The following PPARGC1A variants were observed in gnomAD, a reference collection of about 807,000 sequenced individuals.
PPARGC1A encodes the protein PPARG coactivator 1 alpha, also known as peroxisome proliferator-activated receptor gamma coactivator 1-alpha.
A neutral mutation model predicts 88.7 loss-of-function variants in PPARGC1A; 25 were observed. The observed-to-expected ratio is 0.28, with a 90% CI of 0.21 to 0.39. PPARGC1A has a LOEUF of 0.39. PPARGC1A is among the 10% of genes least tolerant of loss of function. The pLI, the probability that PPARGC1A is intolerant of heterozygous loss-of-function variation, is 1.00. For missense variants in PPARGC1A, 880 were observed against 968.7 expected, an observed-to-expected ratio of 0.91 and a Z score of 1.22; for synonymous variants, 363 against 355.6, an observed-to-expected ratio of 1.02 and a Z score of -0.24.
the PPARGC1A span, among the ~76,000 whole-genome samples, chr4:24,440,746 G>A: frequency 6.6e-6 from 1 of 152,058 alleles, no homozygotes; most frequent in Non-Finnish European, 1.5e-5. Context: ...AAGCTGCAGT[G>A]AGCAGAGATT....
At chr4:24,321,715 T>A in the PPARGC1A span, among the ~76,000 whole-genome samples, 2 of 152,358 alleles carry the variant, frequency 1.3e-5, no homozygotes, top group Admixed American at 1.3e-4. Context: ...TTAGTCATAA[T>A]GTGTGATGAT....
At chr4:23,819,963 A>G (rs749052315) in intron 7 of PPARGC1A, among the ~76,000 whole-genome samples, 13 of 152,178 alleles carry the variant, frequency 8.5e-5, no homozygotes, top group Non-Finnish European at 1.8e-4. Flanking sequence ...CACAAGGAGT[A>G]TGTATGCCAA....
the PPARGC1A span, among the ~76,000 whole-genome samples, chr4:23,917,642 T>C: frequency 3.7e-3 from 566 of 152,274 alleles, 2 homozygotes; most frequent in African/African-American, 0.013. Flanking sequence ...TTTCATCTTT[T>C]CCTGATAAAA....
At chr4:24,218,477 G>C in the PPARGC1A span, among the ~76,000 whole-genome samples, 1 of 152,236 alleles carries the variant, frequency 6.6e-6, no homozygotes, top group African/African-American at 2.4e-5. Context: ...GAAAGACGGA[G>C]GTAGCTGTCA....
At chr4:24,097,066 C>T in the PPARGC1A span, among the ~76,000 whole-genome samples, 2 of 152,100 alleles carry the variant, frequency 1.3e-5, no homozygotes, top group African/African-American at 4.8e-5. Context: ...GGCGCTCCAG[C>T]CTGGGCGACA....
At chr4:24,298,872 C>A in the PPARGC1A span, among the ~76,000 whole-genome samples, 1 of 152,162 alleles carries the variant, frequency 6.6e-6, no homozygotes. Flanking sequence ...CAACTAGAGG[C>A]ACCTATGCCT....
the PPARGC1A span, among the ~76,000 whole-genome samples, chr4:23,933,887 C>A: frequency 3.3e-5 from 5 of 152,232 alleles, no homozygotes; most frequent in African/African-American, 4.8e-5. Flanking sequence ...GGCCCACAGG[C>A]ACCATGACTT....
intron 1 of PPARGC1A, chr4:23,889,238 A>AC (rs1319956790): frequency 8.1e-6 from 8 of 985,212 alleles, no homozygotes; most frequent in Non-Finnish European, 9.6e-6. Context: ...GGAAGATTTA[A>AC]CCATTGGCTT....
At chr4:23,901,239 A>G (rs886220134), upstream of PPARGC1A, among the ~76,000 whole-genome samples, 3 of 152,194 alleles carry the variant, frequency 2.0e-5, no homozygotes, top group Admixed American at 6.5e-5. Flanking sequence ...GCGTGGTGGC[A>G]GGCACCTGTA....
chr4:23,917,874 G>A, the PPARGC1A span, among the ~76,000 whole-genome samples: 11 of 152,152 alleles, frequency 7.2e-5, no homozygotes, highest in Non-Finnish European at 1.3e-4. Context: ...AATCAATATC[G>A]CCACTCTTTT....
chr4:24,080,347 A>G, the PPARGC1A span, among the ~76,000 whole-genome samples: 3 of 151,990 alleles, frequency 2.0e-5, no homozygotes, highest in Non-Finnish European at 4.4e-5. Flanking sequence ...CTAAATGATT[A>G]TAACCATTAT....
At chr4:24,030,449 C>T in the PPARGC1A span, among the ~76,000 whole-genome samples, 1 of 152,230 alleles carries the variant, frequency 6.6e-6, no homozygotes, top group Non-Finnish European at 1.5e-5. Context: ...ATGAGTTCCA[C>T]TACCCAAGCT....
At chr4:23,989,607 G>A in the PPARGC1A span, among the ~76,000 whole-genome samples, 1 of 151,934 alleles carries the variant, frequency 6.6e-6, no homozygotes, top group Non-Finnish European at 1.5e-5. Context: ...ATTAGAACAG[G>A]AACATTGCTT....
At chr4:24,317,596 A>AAAAAAC in the PPARGC1A span, among the ~76,000 whole-genome samples, 3 of 131,134 alleles carry the variant, frequency 2.3e-5, no homozygotes, top group African/African-American at 9.5e-5. Flanking sequence ...AAAAAAAAAA[A>AAAAAAC]CACCACCACC....
the PPARGC1A span, among the ~76,000 whole-genome samples, chr4:24,402,752 G>A: frequency 6.6e-6 from 1 of 152,196 alleles, no homozygotes; most frequent in African/African-American, 2.4e-5. Context: ...TCTGAGCTTG[G>A]CTCCTCACTC....
chr4:24,250,632 G>A, the PPARGC1A span, among the ~76,000 whole-genome samples: 1 of 152,188 alleles, frequency 6.6e-6, no homozygotes, highest in Non-Finnish European at 1.5e-5. Context: ...AGAGGAAGGA[G>A]AAGGGATGGA....
chr4:23,820,267 A>G (rs1722759902), intron 7 of PPARGC1A, among the ~76,000 whole-genome samples: 1 of 152,188 alleles, frequency 6.6e-6, no homozygotes, highest in Non-Finnish European at 1.5e-5. Context: ...GGAGAAAAAA[A>G]TTATGAAGGC....
the PPARGC1A span, among the ~76,000 whole-genome samples, chr4:24,028,951 T>C: frequency 9.6e-4 from 146 of 152,330 alleles, 1 homozygote; most frequent in African/African-American, 3.5e-3. Context: ...GGCAACAGTC[T>C]ATGACCGATT....
At chr4:24,405,693 G>A in the PPARGC1A span, among the ~76,000 whole-genome samples, 1 of 152,062 alleles carries the variant, frequency 6.6e-6, no homozygotes, top group South Asian at 2.1e-4. Context: ...GGATCCAATG[G>A]TAGCCTCCAA....
Sources: allele counts gnomAD v4.1 joint callset (sites outside exome capture counted in the v4.1 genomes callset), GRCh38; gene constraint gnomAD v4.1.1; transcripts MANE v1.5; gene names NCBI Gene and HGNC (gene_info 2026-07-23, HGNC 2026-07-21).